The following ARHGAP10 variants were observed in gnomAD, a reference collection of about 807,000 sequenced individuals.
The protein encoded by ARHGAP10 is Rho GTPase activating protein 10.
ARHGAP10 carries 87 observed loss-of-function variants against 108.6 expected under a neutral mutation model. The observed-to-expected ratio is 0.80, with a 90% CI of 0.67 to 0.96. The LOEUF is 0.96. Ranked by LOEUF, ARHGAP10 falls within the 40% of genes least tolerant of loss-of-function variation. ARHGAP10 has a pLI of 0.00. For missense variants in ARHGAP10, 939 were observed against 954.5 expected (o/e 0.98, Z 0.21); for synonymous variants, 347 against 341.1 (o/e 1.02, Z -0.19).
At chr4:147,925,146 A>G (rs571049105) in intron 13 of ARHGAP10, among the ~76,000 whole-genome samples, 3 of 152,302 alleles carry the variant, frequency 2.0e-5, no homozygotes, top group South Asian at 2.1e-4. Context: ...CTGAGCAGTA[A>G]AATAGCCAGA....
chr4:147,976,484 T>A (rs944260057), intron 18 of ARHGAP10, among the ~76,000 whole-genome samples: 10 of 152,050 alleles, frequency 6.6e-5, no homozygotes, highest in Non-Finnish European at 1.3e-4. Context: ...CATCCCCAGT[T>A]TTCATGAATG....
intron 5 of ARHGAP10, 138 bp downstream of exon 5, chr4:147,857,792 A>T: frequency 1.3e-6 from 1 of 751,848 alleles, no homozygotes; most frequent in African/African-American, 1.8e-5. Context: ...ATTGTCATAA[A>T]TTAAGAAAAA....
chr4:148,017,682 A>ATATATATATATATATATATATGTGTG (rs1437383455), intron 18 of ARHGAP10, among the ~76,000 whole-genome samples: 1 of 135,262 alleles, frequency 7.4e-6, no homozygotes, highest in African/African-American at 2.9e-5. Context: ...ATATATATAT[A>ATATATATATATATATATATATGTGTG]TGTGTGTGTA....
chr4:147,766,882 T>G (rs887143776), intron 1 of ARHGAP10, among the ~76,000 whole-genome samples: 2 of 149,638 alleles, frequency 1.3e-5, no homozygotes, highest in Non-Finnish European at 3.0e-5. Context: ...TCTTGCTCTG[T>G]CGCCCAGGCT....
intron 1 of ARHGAP10, among the ~76,000 whole-genome samples, chr4:147,813,734 A>G (rs1379779535): frequency 1.3e-5 from 2 of 152,212 alleles, no homozygotes; most frequent in African/African-American, 4.8e-5. Context: ...TTTTTTCTCA[A>G]AGCAAGTTGC....
chr4:148,007,463 G>A (rs112471621), intron 18 of ARHGAP10, among the ~76,000 whole-genome samples: 5 of 152,342 alleles, frequency 3.3e-5, no homozygotes, highest in African/African-American at 1.2e-4. Flanking sequence ...GTAGCGAGAA[G>A]TATGAGTCAC....
chr4:147,977,689 A>G (rs956985877), intron 18 of ARHGAP10, among the ~76,000 whole-genome samples: 1 of 152,024 alleles, frequency 6.6e-6, no homozygotes, highest in Admixed American at 6.6e-5. Context: ...TTGGGGGTAC[A>G]TGTACAGGTT....
intron 18 of ARHGAP10, among the ~76,000 whole-genome samples, chr4:148,021,765 G>C (rs1446486405): frequency 6.6e-6 from 1 of 152,178 alleles, no homozygotes; most frequent in Admixed American, 6.5e-5. Flanking sequence ...CAGATAAGTA[G>C]TTTGCTATTG....
At chr4:147,936,533 G>A (rs1475728791) in intron 13 of ARHGAP10, among the ~76,000 whole-genome samples, 1 of 151,706 alleles carries the variant, frequency 6.6e-6, no homozygotes, top group Admixed American at 6.6e-5. Flanking sequence ...GTTTCACCTT[G>A]TTAGCCAGGA....
chr4:148,064,343 G>C, intron 21 of ARHGAP10, 73 bp from the exon 22 acceptor site: 2 of 1,379,136 alleles, frequency 1.5e-6, no homozygotes, highest in Middle Eastern at 4.3e-4. Context: ...TTGGGGAAGG[G>C]GGGTTGGGGG....
intron 7 of ARHGAP10, among the ~76,000 whole-genome samples, chr4:147,871,522 G>A (rs955213128): frequency 3.3e-5 from 5 of 152,134 alleles, no homozygotes; most frequent in African/African-American, 9.7e-5. Flanking sequence ...TAGTTTATTT[G>A]GAAATGTTTA....
chr4:148,025,360 C>T (rs895245213), intron 19 of ARHGAP10, among the ~76,000 whole-genome samples: 6 of 150,978 alleles, frequency 4.0e-5, no homozygotes, highest in African/African-American at 1.5e-4. Context: ...TTGGTTGCAA[C>T]TTTGGGATTT....
At chr4:148,019,677 G>A (rs1044691829) in intron 18 of ARHGAP10, among the ~76,000 whole-genome samples, 1 of 151,978 alleles carries the variant, frequency 6.6e-6, no homozygotes. Context: ...TTGAACCCAG[G>A]AGGTGGAGGT....
Position 147,866,780 on chromosome 4 carries a change from T to C in ARHGAP10, c.666T>C (p.Asn222=). Residue 222 remains asparagine (N), a synonymous_variant, in exon 7 of 23, where the codon AAT becomes AAC. Coordinates refer to ENST00000336498, the MANE Select transcript of ARHGAP10 (RefSeq NM_024605.4). ...GCCATGAACTTGCCAAAGACTTCAATCACTACAAAATGGAACTACAGATCA... is the reference window on the plus strand; with the variant it reads ...GCCATGAACTTGCCAAAGACTTCAACCACTACAAAATGGAACTACAGATCA... ...HQGHELAKDF[N]HYKMELQINI... The C allele has an allele frequency of 6.2e-7, 1 of 1,613,724 alleles. No individual in the cohort carries two copies. The highest frequency in any genetic ancestry group is 8.5e-7 in the Non-Finnish European group (1 of 1,179,644).
intron 15 of ARHGAP10, among the ~76,000 whole-genome samples, chr4:147,954,088 T>G (rs1738705268): frequency 6.6e-6 from 1 of 152,050 alleles, no homozygotes; most frequent in Non-Finnish European, 1.5e-5. Flanking sequence ...CCCTTTTTAT[T>G]TTTTGAGATT....
At chr4:147,917,466 T>C (rs1345744708) in intron 13 of ARHGAP10, 1 of 152,278 alleles carries the variant, frequency 6.6e-6, no homozygotes, top group Non-Finnish European at 1.5e-5. Flanking sequence ...TGAGCTCCAC[T>C]TACAAGAGGC....
rs1491305896 is a variant in ARHGAP10 at position 147,798,722 on chromosome 4, A to ACT, written c.155-24004_155-24003insTC. 7.4e-4 allele frequency among the ~76,000 whole-genome samples: 80 copies of ACT among 107,420 alleles called. 9 individuals are homozygous for ACT. Among genetic ancestry groups the ACT allele is most frequent in the African/African-American group, 3.3e-3 (62 of 18,772 alleles). The allele number at this position is 107,420 out of a possible 152,430, so 70.5% of individuals were successfully genotyped here. The stretch of plus-strand genomic sequence containing the variant: ...CATTACGTGAGGTCAGGAGTTTGAG[A>ACT]CACTCTCTCTCTCTCTCTCTCTCTC... On this transcript the variant is annotated intron_variant, in intron 1 of 22. Coordinates refer to ENST00000336498, the MANE Select transcript of ARHGAP10 (RefSeq NM_024605.4).
chr4:147,872,119 AAGC>A (rs1201845431), intron 7 of ARHGAP10, among the ~76,000 whole-genome samples: 1 of 148,510 alleles, frequency 6.7e-6, no homozygotes, highest in East Asian at 2.0e-4. Context: ...AAAAAAAAAA[AAGC>A]CTTCCATTCC....
intron 18 of ARHGAP10, among the ~76,000 whole-genome samples, chr4:148,004,321 A>G (rs1490796539): frequency 1.3e-5 from 2 of 152,250 alleles, no homozygotes; most frequent in Non-Finnish European, 2.9e-5. Flanking sequence ...CAAAAGTCAG[A>G]AACAAATAGT....
Sources: gnomAD v4.1 joint callset for allele counts (sites outside exome capture counted in the v4.1 genomes callset) on GRCh38, gnomAD v4.1.1 for gene constraint, MANE v1.5 for transcripts, NCBI Gene and HGNC (gene_info 2026-07-23, HGNC 2026-07-21) for gene names.